PRCC: variants seen among roughly 807,000 people sequenced by gnomAD.
The protein encoded by PRCC is proline rich mitotic checkpoint control factor, also known as proline-rich protein PRCC.
In PRCC, 10 loss-of-function variants were observed where a neutral mutation model predicts 44.0. The observed-to-expected ratio is 0.23, with a 90% CI of 0.14 to 0.39. The LOEUF is 0.39. PRCC is among the 10% of genes least tolerant of loss of function. The pLI is 1.00. For synonymous variants in PRCC, 278 were observed against 259.5 expected (o/e 1.07, Z -0.69); for missense variants, 573 against 624.7 (o/e 0.92, Z 0.88).
chr1:156,798,473 G>A (rs903273991), intron 6 of PRCC, among the ~76,000 whole-genome samples: 1 of 152,148 alleles, frequency 6.6e-6, no homozygotes, highest in African/African-American at 2.4e-5. Flanking sequence ...TACCAAACAA[G>A]TCAGCTTTTT....
intron 1 of PRCC, among the ~76,000 whole-genome samples, chr1:156,777,762 A>C (rs1651877883): frequency 6.6e-6 from 1 of 152,210 alleles, no homozygotes; most frequent in Non-Finnish European, 1.5e-5. Flanking sequence ...GAGAGTCATC[A>C]GAGAGACTTC....
chr1:156,767,553 G>T lies in PRCC; in HGVS notation c.-219G>T. The T allele has an allele frequency of 1.7e-6, 1 of 575,804 alleles. No individual in the cohort carries two copies. 35.7% of individuals were successfully genotyped at this position (575,804 alleles called of 1,614,324 possible). On this transcript the variant is annotated 5_prime_UTR_variant, in exon 1 of 7. Coordinates refer to ENST00000271526, the MANE Select transcript of PRCC (RefSeq NM_005973.5). Reference sequence around the variant, plus strand: ...ACTCGGCGGCCATTAGCTGTGTGTAGTTGCCCGGGACTAGGAGCTTAAGTG... The same window carrying T: ...ACTCGGCGGCCATTAGCTGTGTGTATTTGCCCGGGACTAGGAGCTTAAGTG...
chr1:156,800,539 C>T lies in PRCC; in HGVS notation c.*79C>T. The T allele has an allele frequency of 7.1e-7, 1 of 1,411,532 alleles. No individual in the cohort carries two copies. The highest frequency in any genetic ancestry group is 1.2e-5 in the South Asian group (1 of 86,908). The allele number at this position is 1,411,532 out of a possible 1,614,324, so 87.4% of individuals were successfully genotyped here. On this transcript the variant is annotated 3_prime_UTR_variant, in exon 7 of 7. Transcript: ENST00000271526. ...CCCAGCTTCACCTCTGGGACCCCAG[C>T]TGCTCTAAGCCCAGGATCTCTTTCC...
chr1:156,791,044 C>T, intron 3 of PRCC: 1 of 1,340,452 alleles, frequency 7.5e-7, no homozygotes, highest in African/African-American at 1.5e-5. Flanking sequence ...CTTGCCCTTG[C>T]CTTCACCCTC....
rs867155725 is a variant in PRCC, at chr1:156,767,811, C to T, written c.40C>T (p.Pro14Ser). The change falls in exon 1 of 7, where the codon CCG (proline) becomes TCG (serine). Residue 14 changes from proline (P) to serine (S), a missense_variant. Transcript: ENST00000271526. The part of the protein sequence containing the change: ...VAYASSDESE[P>S]DEAEPEPEEE... ...TTACGCCAGCAGCGATGAGAGCGAGCCGGATGAGGCTGAGCCCGAGCCGGA... is the reference window on the plus strand; with the variant it reads ...TTACGCCAGCAGCGATGAGAGCGAGTCGGATGAGGCTGAGCCCGAGCCGGA... 2 of 1,609,578 alleles carry T rather than the reference C, an allele frequency of 1.2e-6. No homozygotes were observed. The highest frequency in any genetic ancestry group is 8.5e-7 in the Non-Finnish European group (1 of 1,178,886).
At chr1:156,800,007 G>A (rs1296921368) in intron 6 of PRCC, among the ~76,000 whole-genome samples, 1 of 152,180 alleles carries the variant, frequency 6.6e-6, no homozygotes. Context: ...TGCCGGCTGG[G>A]TGTCTAAGAG....
chr1:156,773,864 A>G (rs1192828762), intron 1 of PRCC, among the ~76,000 whole-genome samples: 1 of 152,244 alleles, frequency 6.6e-6, no homozygotes, highest in Non-Finnish European at 1.5e-5. Context: ...GTTCATCCAC[A>G]AATGAATAGG....
chr1:156,794,400 C>G (rs1652589290), intron 4 of PRCC, among the ~76,000 whole-genome samples: 1 of 152,168 alleles, frequency 6.6e-6, no homozygotes, highest in African/African-American at 2.4e-5. Context: ...AATACAAATT[C>G]ATATCACTGG....
rs368968762 is a variant in PRCC at position 156,767,895 on chromosome 1, C to T, written c.124C>T (p.Leu42Phe). 2 of 1,604,122 alleles carry T rather than the reference C, an allele frequency of 1.2e-6. No homozygotes were observed. The highest frequency in any genetic ancestry group is 1.7e-6 in the Non-Finnish European group (2 of 1,176,186). Reference protein sequence around the residue: ...GPALGGLFASLPAPKGPALLP... With the variant: ...GPALGGLFASFPAPKGPALLP... The stretch of plus-strand genomic sequence containing the variant: ...CGCTTTAGGGGGCTTGTTCGCTTCT[C>T]TCCCTGCGCCCAAGGGTCCGGCCTT... Residue 42 changes from leucine to phenylalanine, a missense_variant, in exon 1 of 7, where the codon CTC becomes TTC. Coordinates refer to ENST00000271526, the MANE Select transcript of PRCC (RefSeq NM_005973.5).
chr1:156,780,475 G>C (rs1652015924), intron 1 of PRCC, among the ~76,000 whole-genome samples: 1 of 149,786 alleles, frequency 6.7e-6, no homozygotes, highest in African/African-American at 2.5e-5. Context: ...TAGTATTTGA[G>C]ACAAGGTCTT....
At chr1:156,781,297 T>G (rs937340628) in intron 1 of PRCC, among the ~76,000 whole-genome samples, 1 of 152,202 alleles carries the variant, frequency 6.6e-6, no homozygotes, top group African/African-American at 2.4e-5. Context: ...TTGGAAGAGA[T>G]AAATTCAAAA....
intron 6 of PRCC, 126 bp downstream of exon 6, chr1:156,797,467 C>A: frequency 1.8e-6 from 2 of 1,091,610 alleles, no homozygotes; most frequent in Middle Eastern, 2.2e-4. Flanking sequence ...CAGGCATCCT[C>A]TCCTATTCTC....
Position 156,767,669 on chromosome 1 carries a change from T to G in PRCC, c.-103T>G. 8.0e-7 allele frequency: 1 copy of G among 1,255,868 alleles called. No homozygotes were observed. Among genetic ancestry groups the G allele is most frequent in the South Asian group, 1.6e-5 (1 of 63,762 alleles). 77.8% of individuals were successfully genotyped at this position (1,255,868 alleles called of 1,614,324 possible). ...AGTACGGAGCAGGCGGACTTTTCGG[T>G]TCCCCGCCCCGCCAGGTGGCGGGGC... On this transcript the variant is annotated 5_prime_UTR_variant, in exon 1 of 7. Coordinates refer to ENST00000271526, the MANE Select transcript of PRCC (RefSeq NM_005973.5).
chr1:156,793,961 T>C (rs1191853645), intron 4 of PRCC, among the ~76,000 whole-genome samples: 1 of 147,526 alleles, frequency 6.8e-6, no homozygotes, highest in Non-Finnish European at 1.5e-5. Flanking sequence ...TTTCTTTTTT[T>C]TTTTTTTTTT....
At chr1:156,798,369 A>G (rs1402482442) in intron 6 of PRCC, among the ~76,000 whole-genome samples, 2 of 152,108 alleles carry the variant, frequency 1.3e-5, no homozygotes, top group African/African-American at 2.4e-5. Context: ...GCAGTGGCAC[A>G]ATTCCTTTTC....
chr1:156,770,261 G>A (rs182123317), intron 1 of PRCC, among the ~76,000 whole-genome samples: 14 of 152,346 alleles, frequency 9.2e-5, no homozygotes, highest in South Asian at 2.1e-4. Context: ...GCCCTTGCTG[G>A]TTGAGTTTCC....
intron 5 of PRCC, 60 bp from the exon 6 acceptor site, chr1:156,797,216 C>G: frequency 6.2e-7 from 1 of 1,602,580 alleles, no homozygotes; most frequent in Non-Finnish European, 8.5e-7. Context: ...ACCATCTGGG[C>G]ACATGAGAAA....
At chr1:156,789,947 A>G (rs1652417878) in intron 3 of PRCC, among the ~76,000 whole-genome samples, 1 of 152,224 alleles carries the variant, frequency 6.6e-6, no homozygotes, top group Admixed American at 6.5e-5. Context: ...ACGTAGGTTT[A>G]AGAGAGAATT....
In PRCC at chr1:156,800,573, C is replaced by T. The variant is rs1652802506; in HGVS notation, c.*113C>T. On this transcript the variant is annotated 3_prime_UTR_variant, in exon 7 of 7. Coordinates refer to ENST00000271526, the MANE Select transcript of PRCC (RefSeq NM_005973.5). ...GCCCAGGATCTCTTTCCCCAAGGAC[C>T]CAGCCCTCGCCTCTGCGAGAATGAA... 1.0e-6 allele frequency: 1 copy of T among 996,546 alleles called. No homozygotes were observed. The highest frequency in any genetic ancestry group is 1.6e-5 in the African/African-American group (1 of 61,196). 61.7% of individuals were successfully genotyped at this position (996,546 alleles called of 1,614,324 possible). A position where few individuals can be genotyped will look rare whatever the true frequency, so the allele number is the denominator to read the frequency against.
Sources: allele counts gnomAD v4.1 joint callset (sites outside exome capture counted in the v4.1 genomes callset), GRCh38; gene constraint gnomAD v4.1.1; transcripts MANE v1.5; gene names NCBI Gene and HGNC (gene_info 2026-07-23, HGNC 2026-07-21).